The following SETBP1 variants were observed in gnomAD, a reference collection of about 807,000 sequenced individuals.
The protein encoded by SETBP1 is SET binding protein 1.
SETBP1 carries 9 observed loss-of-function variants against 101.0 expected under a neutral mutation model. That is an observed-to-expected ratio of 0.09 (90% CI 0.05 to 0.16). SETBP1 has a LOEUF of 0.16. SETBP1 is among the 10% of genes least tolerant of loss of function. SETBP1 has a pLI of 1.00. For synonymous variants in SETBP1, 818 were observed against 788.5 expected (o/e 1.04, Z -0.63); for missense variants, 1,858 against 2,033.8 (o/e 0.91, Z 1.66).
At chr18:45,022,567 C>T (rs543863047) in intron 4 of SETBP1, among the ~76,000 whole-genome samples, 5 of 152,290 alleles carry the variant, frequency 3.3e-5, no homozygotes, top group South Asian at 2.1e-4. Flanking sequence ...CGGTGGCCCA[C>T]GCCTGTGATC....
intron 2 of SETBP1, among the ~76,000 whole-genome samples, chr18:44,715,557 A>G (rs1283027796): frequency 6.6e-6 from 1 of 151,994 alleles, no homozygotes; most frequent in African/African-American, 2.4e-5. Flanking sequence ...TTCTGCCTTT[A>G]ACAAGTCCAT....
chr18:44,842,976 T>C (rs1226889650), intron 2 of SETBP1, among the ~76,000 whole-genome samples: 2 of 152,216 alleles, frequency 1.3e-5, no homozygotes, highest in Non-Finnish European at 2.9e-5. Flanking sequence ...CCCTTCATTC[T>C]ATACACGAGG....
chr18:44,688,453 T>C, intron 1 of SETBP1, among the ~76,000 whole-genome samples: 1 of 152,092 alleles, frequency 6.6e-6, no homozygotes, highest in East Asian at 1.9e-4. Flanking sequence ...TGACCTATTG[T>C]TATTTGAGCA....
chr18:44,851,590 TTCTC>T (rs1359978672), intron 2 of SETBP1, among the ~76,000 whole-genome samples: 1 of 152,218 alleles, frequency 6.6e-6, no homozygotes, highest in Non-Finnish European at 1.5e-5. Context: ...CTTTGTCCCT[TTCTC>T]TCTCCTGGTC....
chr18:44,971,006 T>A (rs1401403063), intron 4 of SETBP1, among the ~76,000 whole-genome samples: 1 of 152,138 alleles, frequency 6.6e-6, no homozygotes, highest in Non-Finnish European at 1.5e-5. Context: ...CTCCTAATGC[T>A]ATGCCTCCCC....
intron 3 of SETBP1, among the ~76,000 whole-genome samples, chr18:44,942,001 G>T (rs1233230599): frequency 2.6e-5 from 4 of 152,026 alleles, no homozygotes; most frequent in African/African-American, 9.7e-5. Context: ...TTTTTATTGT[G>T]TTCTGGATAT....
At chr18:45,012,656 A>G (rs2072863466) in intron 4 of SETBP1, among the ~76,000 whole-genome samples, 2 of 152,218 alleles carry the variant, frequency 1.3e-5, no homozygotes, top group Admixed American at 6.5e-5. Flanking sequence ...ATATATGCAC[A>G]CATACAATGG....
intron 3 of SETBP1, among the ~76,000 whole-genome samples, chr18:44,918,210 C>T (rs1170404960): frequency 6.6e-6 from 1 of 152,190 alleles, no homozygotes; most frequent in East Asian, 1.9e-4. Context: ...TCTGCATTAT[C>T]TGTGTTTACT....
At chr18:44,814,925 T>C (rs1023404327) in intron 2 of SETBP1, among the ~76,000 whole-genome samples, 4 of 152,358 alleles carry the variant, frequency 2.6e-5, no homozygotes, top group Middle Eastern at 3.4e-3. Context: ...CCTTGAATCC[T>C]GTTTAGCTGT....
intron 2 of SETBP1, among the ~76,000 whole-genome samples, chr18:44,793,561 C>T (rs1162807860): frequency 2.0e-5 from 3 of 152,154 alleles, no homozygotes; most frequent in African/African-American, 7.2e-5. Context: ...GTGGTGGGGA[C>T]CCCCTGTGTG....
intron 1 of SETBP1, among the ~76,000 whole-genome samples, chr18:44,689,760 G>T (rs1480533839): frequency 6.6e-6 from 1 of 152,176 alleles, no homozygotes; most frequent in Non-Finnish European, 1.5e-5. Flanking sequence ...GAGCAGCAGG[G>T]AAGATCATCC....
At chr18:44,752,043 T>G (rs1194531238) in intron 2 of SETBP1, among the ~76,000 whole-genome samples, 1 of 152,148 alleles carries the variant, frequency 6.6e-6, no homozygotes, top group East Asian at 1.9e-4. Context: ...TACCATCTCC[T>G]TTCAACATAT....
At chr18:44,859,292 C>T (rs2073031715) in intron 2 of SETBP1, among the ~76,000 whole-genome samples, 1 of 152,264 alleles carries the variant, frequency 6.6e-6, no homozygotes, top group South Asian at 2.1e-4. Flanking sequence ...TCTTGTGGGG[C>T]TGCATGGGGC....
chr18:44,990,504 A>T (rs974394801), intron 4 of SETBP1, among the ~76,000 whole-genome samples: 5 of 152,076 alleles, frequency 3.3e-5, no homozygotes, highest in African/African-American at 9.7e-5. Context: ...AGGTGGTAGG[A>T]TTGCTGGAGC....
chr18:44,926,179 C>T (rs967598628), intron 3 of SETBP1, among the ~76,000 whole-genome samples: 18 of 152,212 alleles, frequency 1.2e-4, no homozygotes, highest in African/African-American at 4.3e-4. Context: ...GTGATCGCCC[C>T]ACCTTGGCTT....
chr18:44,839,075 A>T (rs1599201412), intron 2 of SETBP1, among the ~76,000 whole-genome samples: 1 of 54,342 alleles, frequency 1.8e-5, no homozygotes, highest in Admixed American at 2.4e-4. Flanking sequence ...TAATATCTTA[A>T]AAAAAAAAAA....
intron 4 of SETBP1, among the ~76,000 whole-genome samples, chr18:45,009,959 G>C (rs2072804756): frequency 6.6e-6 from 1 of 152,144 alleles, no homozygotes; most frequent in Admixed American, 6.5e-5. Context: ...TTGTGGTCTT[G>C]CCTTTGGTAC....
intron 2 of SETBP1, among the ~76,000 whole-genome samples, chr18:44,750,687 G>A (rs908871871): frequency 6.6e-6 from 1 of 152,134 alleles, no homozygotes. Flanking sequence ...GACTTCTTCC[G>A]GGTTTCCTAT....
intron 3 of SETBP1, among the ~76,000 whole-genome samples, chr18:44,941,763 T>G (rs2071092493): frequency 6.9e-6 from 1 of 144,178 alleles, no homozygotes; most frequent in African/African-American, 2.6e-5. Flanking sequence ...CTCCAGTGAG[T>G]TTTTTTTTTT....
Sources: allele counts gnomAD v4.1 joint callset (sites outside exome capture counted in the v4.1 genomes callset), GRCh38; gene constraint gnomAD v4.1.1; transcripts MANE v1.5; gene names NCBI Gene and HGNC (gene_info 2026-07-23, HGNC 2026-07-21).